The following COL24A1 variants were observed in gnomAD, a reference collection of about 807,000 sequenced individuals.
COL24A1 encodes the protein collagen alpha-1(XXIV) chain.
COL24A1 carries 224 observed loss-of-function variants against 253.9 expected under a neutral mutation model. That is an observed-to-expected ratio of 0.88 (90% CI 0.79 to 0.99). The LOEUF (loss-of-function observed/expected upper bound fraction) is 0.99, where lower values mean the gene tolerates loss of function less well. COL24A1 is among the 50% of genes least tolerant of loss of function. The pLI is 0.00. For synonymous variants in COL24A1, 685 were observed against 673.7 expected (o/e 1.02, Z -0.26); for missense variants, 2,131 against 2,068.5 (o/e 1.03, Z -0.59).
At chr1:86,080,415 TTTA>T (rs2101900711) in intron 7 of COL24A1, among the ~76,000 whole-genome samples, 1 of 152,288 alleles carries the variant, frequency 6.6e-6, no homozygotes, top group African/African-American at 2.4e-5. Context: ...AATTGTATAA[TTTA>T]AAATAAATAG....
chr1:85,872,775 T>C (rs1418552618), intron 35 of COL24A1, among the ~76,000 whole-genome samples: 1 of 152,180 alleles, frequency 6.6e-6, no homozygotes, highest in Non-Finnish European at 1.5e-5. Flanking sequence ...GACATAGGCA[T>C]GGGCAAGGAC....
chr1:85,875,716 G>GACACACACACAC lies in COL24A1; in HGVS notation c.3031-398_3031-387dup, dbSNP rs141827930. On this transcript the variant is annotated intron_variant, in intron 33 of 59. Transcript: ENST00000370571. Reference sequence around the variant, plus strand: ...AGATAAATTTATTCACATTATAAAAGACACACACACACACACACACACACA... The same window carrying GACACACACACAC: ...AGATAAATTTATTCACATTATAAAAGACACACACACACACACACACACACACACACACACACA... Among the ~76,000 whole-genome samples the GACACACACACAC allele has an allele frequency of 9.6e-4, 136 of 141,106 alleles. 1 individual carries two copies. Among genetic ancestry groups the GACACACACACAC allele is most frequent in the Non-Finnish European group, 1.1e-3 (75 of 65,260 alleles). 92.6% of individuals were successfully genotyped at this position (141,106 alleles called of 152,430 possible).
chr1:85,938,901 G>T (rs1236399274), intron 24 of COL24A1, among the ~76,000 whole-genome samples: 1 of 152,172 alleles, frequency 6.6e-6, no homozygotes, highest in Non-Finnish European at 1.5e-5. Flanking sequence ...TCTTGCGGGG[G>T]TGGTTGAAAC....
intron 7 of COL24A1, among the ~76,000 whole-genome samples, chr1:86,073,331 A>T (rs759470575): frequency 6.6e-6 from 1 of 152,154 alleles, no homozygotes; most frequent in Non-Finnish European, 1.5e-5. Flanking sequence ...TGAAGCATAG[A>T]CAGTATCAAG....
At chr1:85,915,924 A>G (rs1172639563) in intron 24 of COL24A1, among the ~76,000 whole-genome samples, 1 of 152,070 alleles carries the variant, frequency 6.6e-6, no homozygotes, top group Non-Finnish European at 1.5e-5. Context: ...AAAGTGATAA[A>G]TCCTTTTTCT....
intron 10 of COL24A1, among the ~76,000 whole-genome samples, chr1:86,057,464 C>A (rs1700750956): frequency 6.6e-6 from 1 of 152,166 alleles, no homozygotes; most frequent in East Asian, 1.9e-4. Flanking sequence ...AAATGGCTAA[C>A]ATTTCCTTTA....
intron 1 of COL24A1, among the ~76,000 whole-genome samples, chr1:86,148,735 A>T (rs4269793): frequency 0.041 from 6,197 of 152,076 alleles, 430 homozygotes; most frequent in African/African-American, 0.14. Context: ...ACATTTTCTT[A>T]ATCCAGTCTA....
chr1:85,891,717 A>G (rs1056813168), intron 31 of COL24A1, among the ~76,000 whole-genome samples: 3 of 152,218 alleles, frequency 2.0e-5, no homozygotes, highest in African/African-American at 7.2e-5. Context: ...TGAAATATAC[A>G]GAAAACTTCA....
chr1:86,002,646 G>C (rs1375436220), intron 19 of COL24A1, among the ~76,000 whole-genome samples: 1 of 152,064 alleles, frequency 6.6e-6, no homozygotes, highest in African/African-American at 2.4e-5. Flanking sequence ...CATGCTGATT[G>C]AACAAGATGA....
At chr1:85,851,278 T>C (rs892084724) in intron 37 of COL24A1, among the ~76,000 whole-genome samples, 1 of 152,124 alleles carries the variant, frequency 6.6e-6, no homozygotes, top group Non-Finnish European at 1.5e-5. Flanking sequence ...AATTACTGTG[T>C]CTTTAATTCA....
chr1:85,903,964 C>T (rs1362144476), intron 28 of COL24A1, among the ~76,000 whole-genome samples: 2 of 152,094 alleles, frequency 1.3e-5, no homozygotes, highest in Admixed American at 6.6e-5. Context: ...GGAGCTCTGC[C>T]TTATCATTTG....
intron 28 of COL24A1, among the ~76,000 whole-genome samples, chr1:85,906,200 A>G (rs1239625427): frequency 1.4e-5 from 2 of 147,974 alleles, no homozygotes; most frequent in East Asian, 4.0e-4. Flanking sequence ...CTTTGAAGTC[A>G]TTACTTCAAA....
intron 57 of COL24A1, among the ~76,000 whole-genome samples, chr1:85,738,244 T>C (rs1184010836): frequency 1.3e-5 from 2 of 152,184 alleles, no homozygotes; most frequent in Admixed American, 6.5e-5. Flanking sequence ...TGTTTTATAA[T>C]AGAAACAACT....
intron 19 of COL24A1, among the ~76,000 whole-genome samples, chr1:85,995,879 T>C (rs12025755): frequency 0.49 from 74,365 of 152,016 alleles, 18,647 homozygotes; most frequent in East Asian, 0.61. Context: ...GCTTACCCTT[T>C]GCCTTCTACC....
chr1:85,833,926 G>T (rs1290771188), intron 43 of COL24A1, among the ~76,000 whole-genome samples: 77 of 143,040 alleles, frequency 5.4e-4, no homozygotes, highest in African/African-American at 1.9e-3. Flanking sequence ...TGAGAACACT[G>T]GGACACAGGA....
chr1:85,997,037 A>ATGTGTGTGTGTG, intron 19 of COL24A1, among the ~76,000 whole-genome samples: 1 of 61,608 alleles, frequency 1.6e-5, no homozygotes, highest in Non-Finnish European at 3.2e-5. Context: ...GTATATATAT[A>ATGTGTGTGTGTG]TATATGTGTG....
At chr1:85,915,640 T>C (rs1206797131) in intron 24 of COL24A1, among the ~76,000 whole-genome samples, 1 of 152,086 alleles carries the variant, frequency 6.6e-6, no homozygotes, top group Non-Finnish European at 1.5e-5. Flanking sequence ...CTAGTCAAAC[T>C]ATTCGGAAAA....
intron 20 of COL24A1, among the ~76,000 whole-genome samples, chr1:85,977,617 A>G (rs1299350992): frequency 1.3e-5 from 2 of 152,194 alleles, no homozygotes. Flanking sequence ...GGTAGAAGAA[A>G]GAACTTCAGA....
At chr1:86,004,944 T>C (rs1371593541) in intron 19 of COL24A1, among the ~76,000 whole-genome samples, 3 of 152,156 alleles carry the variant, frequency 2.0e-5, no homozygotes, top group Non-Finnish European at 4.4e-5. Flanking sequence ...GGAATATATG[T>C]GAAACTCAGG....
Sources: gnomAD v4.1 joint callset for allele counts (sites outside exome capture counted in the v4.1 genomes callset) on GRCh38, gnomAD v4.1.1 for gene constraint, MANE v1.5 for transcripts, NCBI Gene and HGNC (gene_info 2026-07-23, HGNC 2026-07-21) for gene names.